The following CAB39L variants were observed in gnomAD, a reference collection of about 807,000 sequenced individuals.
CAB39L encodes calcium binding protein 39 like, also known as calcium-binding protein 39-like.
A neutral mutation model predicts 39.1 loss-of-function variants in CAB39L; 23 were observed. That is an observed-to-expected ratio of 0.59 (90% CI 0.42 to 0.83). The LOEUF is 0.83. CAB39L is among the 40% of genes least tolerant of loss of function. The pLI, the probability that CAB39L is intolerant of heterozygous loss-of-function variation, is 0.00. For missense variants in CAB39L, 366 were observed against 391.9 expected, an observed-to-expected ratio of 0.93 and a Z score of 0.56; for synonymous variants, 126 against 137.2, an observed-to-expected ratio of 0.92 and a Z score of 0.57.
intron 9 of CAB39L, among the ~76,000 whole-genome samples, 199 bp from the exon 10 acceptor site, chr13:49,332,289 T>C (rs1465287191): frequency 6.6e-6 from 1 of 152,258 alleles, no homozygotes; most frequent in Non-Finnish European, 1.5e-5. Flanking sequence ...ACTGCTTTGC[T>C]GATGTCAGTG....
intron 3 of CAB39L, among the ~76,000 whole-genome samples, chr13:49,432,214 G>A (rs1337378538): frequency 1.3e-5 from 2 of 151,964 alleles, no homozygotes; most frequent in African/African-American, 4.8e-5. Flanking sequence ...GAGTGCAGTG[G>A]TGTGACCATG....
chr13:49,429,797 T>C (rs547924078), intron 3 of CAB39L, among the ~76,000 whole-genome samples: 3 of 152,378 alleles, frequency 2.0e-5, no homozygotes, highest in South Asian at 4.1e-4. Context: ...ACTTGTGGGA[T>C]TGAACACTCC....
In CAB39L at chr13:49,310,714, C is replaced by T; in HGVS notation, c.*100G>A. The T allele has an allele frequency of 8.2e-7, 1 of 1,223,414 alleles. No homozygotes were observed. 75.8% of individuals were successfully genotyped at this position (1,223,414 alleles called of 1,614,324 possible). ...GAACAATTACAGCAGAAAAAATAGG[C>T]ACCTCCAAAGTCTTCCCAAGAATGA... On this transcript the variant is annotated 3_prime_UTR_variant, in exon 11 of 11. Transcript: ENST00000409308.
At chr13:49,404,395 T>C (rs971931123) in intron 3 of CAB39L, among the ~76,000 whole-genome samples, 5 of 151,312 alleles carry the variant, frequency 3.3e-5, no homozygotes, top group Non-Finnish European at 7.4e-5. Context: ...TTTGAATATC[T>C]GGAAAGCCTT....
intron 4 of CAB39L, among the ~76,000 whole-genome samples, chr13:49,379,902 C>T (rs1463085674): frequency 6.7e-6 from 1 of 150,160 alleles, no homozygotes; most frequent in African/African-American, 2.5e-5. Context: ...AGTGCAGTGG[C>T]ACAATCTTGG....
At chr13:49,338,523 G>GGT (rs1954912103) in intron 9 of CAB39L, among the ~76,000 whole-genome samples, 1 of 132,014 alleles carries the variant, frequency 7.6e-6, no homozygotes, top group African/African-American at 2.9e-5. Context: ...AGGGGGTAGG[G>GGT]ATAGCATTGG....
intron 3 of CAB39L, among the ~76,000 whole-genome samples, chr13:49,384,029 G>A (rs976847432): frequency 2.1e-4 from 32 of 152,154 alleles, no homozygotes; most frequent in Admixed American, 6.5e-4. Flanking sequence ...AGTTTGCTAC[G>A]TTGACTCTTC....
intron 3 of CAB39L, among the ~76,000 whole-genome samples, chr13:49,400,648 T>A (rs1956750526): frequency 6.6e-6 from 1 of 152,124 alleles, no homozygotes; most frequent in South Asian, 2.1e-4. Context: ...AAAGAAGCAG[T>A]CAACATTTAA....
intron 3 of CAB39L, among the ~76,000 whole-genome samples, chr13:49,404,481 G>T (rs541331826): frequency 6.6e-6 from 1 of 150,456 alleles, no homozygotes; most frequent in Non-Finnish European, 1.5e-5. Flanking sequence ...TAAGCTCGGA[G>T]TGTGAAGATT....
intron 1 of CAB39L, among the ~76,000 whole-genome samples, chr13:49,439,459 T>C (rs1957468337): frequency 6.6e-6 from 1 of 152,186 alleles, no homozygotes. Context: ...CTTCCCTGCA[T>C]AGTATTCCAC....
chr13:49,358,541 G>A (rs1286770484), intron 6 of CAB39L, among the ~76,000 whole-genome samples: 2 of 152,104 alleles, frequency 1.3e-5, no homozygotes, highest in African/African-American at 4.8e-5. Context: ...TTGTCTTTGG[G>A]TAATAGGACT....
chr13:49,423,131 T>C (rs1407232174), intron 3 of CAB39L, among the ~76,000 whole-genome samples: 2 of 152,208 alleles, frequency 1.3e-5, no homozygotes, highest in Non-Finnish European at 2.9e-5. Flanking sequence ...CCATAGATCA[T>C]TGATGCTCTA....
At chr13:49,346,953 G>A (rs192630820) in intron 7 of CAB39L, among the ~76,000 whole-genome samples, 1 of 152,166 alleles carries the variant, frequency 6.6e-6, no homozygotes, top group African/African-American at 2.4e-5. Context: ...AACTAACAAT[G>A]TTACAATATT....
chr13:49,364,756 T>C (rs1391015888), intron 5 of CAB39L, among the ~76,000 whole-genome samples: 1 of 151,892 alleles, frequency 6.6e-6, no homozygotes, highest in Admixed American at 6.6e-5. Context: ...AAAATCTCCA[T>C]AATGAAAACT....
rs1264528672 is a variant in CAB39L at position 49,376,148 on chromosome 13, A to G, written c.276+819T>C. Among the ~76,000 whole-genome samples, 4 of 152,226 alleles carry G rather than the reference A, an allele frequency of 2.6e-5. No homozygotes were observed. In the South Asian group the frequency reaches 6.2e-4, roughly 24 times the overall value. ...AGTTTTCCTTCCACTTATTCAGTGA[A>G]CAAAACTAAAAGCTATTCACTTTGC... On this transcript the variant is annotated intron_variant, in intron 5 of 10. Transcript: ENST00000409308.
At chr13:49,362,366 T>C (rs1955660173) in intron 5 of CAB39L, among the ~76,000 whole-genome samples, 1 of 151,996 alleles carries the variant, frequency 6.6e-6, no homozygotes, top group Non-Finnish European at 1.5e-5. Flanking sequence ...AGAGAAAGAA[T>C]TCAGAATTCT....
intron 1 of CAB39L, among the ~76,000 whole-genome samples, chr13:49,437,948 C>G (rs1265801006): frequency 6.6e-6 from 1 of 152,134 alleles, no homozygotes; most frequent in Non-Finnish European, 1.5e-5. Context: ...TCTCAGCTTC[C>G]TAAGTACCTG....
intron 7 of CAB39L, among the ~76,000 whole-genome samples, chr13:49,348,413 C>T (rs1035682709): frequency 6.6e-5 from 10 of 152,088 alleles, no homozygotes; most frequent in Non-Finnish European, 1.2e-4. Flanking sequence ...ACTAAAAATG[C>T]AAAAATTAGC....
intron 9 of CAB39L, among the ~76,000 whole-genome samples, chr13:49,333,603 ACT>A (rs1328871665): frequency 8.5e-5 from 10 of 118,138 alleles, no homozygotes; most frequent in African/African-American, 3.1e-4. Context: ...ACAGAGTGTC[ACT>A]CTGTCGCCCA....
Sources: allele counts gnomAD v4.1 joint callset (sites outside exome capture counted in the v4.1 genomes callset), GRCh38; gene constraint gnomAD v4.1.1; transcripts MANE v1.5; gene names NCBI Gene and HGNC (gene_info 2026-07-23, HGNC 2026-07-21).